FASTKD3: variants seen among roughly 807,000 people sequenced by gnomAD.
FASTKD3 encodes the protein FAST kinase domain-containing protein 3, mitochondrial.
FASTKD3 carries 47 observed loss-of-function variants against 49.7 expected under a neutral mutation model. The ratio of observed to expected loss-of-function variants is 0.95; its 90% CI spans 0.75 to 1.21. The LOEUF is 1.21. Among genes scored for constraint, FASTKD3 ranks in the 50% most tolerant of loss-of-function variants. The pLI is 0.00. For missense variants in FASTKD3, 748 were observed against 765.7 expected, an observed-to-expected ratio of 0.98 and a Z score of 0.27; for synonymous variants, 284 against 288.6, an observed-to-expected ratio of 0.98 and a Z score of 0.16.
rs764452426 is a variant in FASTKD3 at position 7,859,506 on chromosome 5, T to C, written c.1918A>G (p.Arg640Gly). Residue 640 changes from arginine (R) to glycine (G), a missense_variant, in exon 7 of 7, where the codon AGA becomes GGA. Around this residue, in one of 3 missense-constraint regions of FASTKD3, gnomAD observed 178 missense variants for 182.2 expected, o/e 0.98. Coordinates refer to ENST00000264669, the MANE Select transcript of FASTKD3 (RefSeq NM_024091.4). The stretch of plus-strand genomic sequence containing the variant: ...TGTAAATATTCCACCAATTCACGTC[T>C]TGATTTTAGCATCCCAATCTCATGA... ...PYHEIGMLKSRRELVEYLQRK... is the reference protein window; with the variant it reads ...PYHEIGMLKSGRELVEYLQRK... 1.3e-5 allele frequency: 21 copies of C among 1,606,132 alleles called. No homozygotes were observed. The highest frequency in any genetic ancestry group is 1.6e-5 in the Non-Finnish European group (19 of 1,176,154).
At position 7,859,502 on chromosome 5, in the gene FASTKD3, CG is replaced by C; in HGVS notation, c.1921del (p.Arg641ValfsTer25). The C allele has an allele frequency of 1.2e-6, 2 of 1,605,490 alleles. No homozygotes were observed. Among genetic ancestry groups the C allele is most frequent in the Middle Eastern group, 1.7e-4 (1 of 6,044 alleles). On this transcript the variant is annotated frameshift_variant, in exon 7 of 7. Transcript: ENST00000264669. LOFTEE classifies it high-confidence loss of function. ...YHEIGMLKSR[R>X]ELVEYLQRKL... is the part of the protein sequence containing the mutation. ...TCTTTGTAAATATTCCACCAATTCACGTCTTGATTTTAGCATCCCAATCTCA... is the reference window on the plus strand; with the variant it reads ...TCTTTGTAAATATTCCACCAATTCACTCTTGATTTTAGCATCCCAATCTCA...
chr5:7,867,423 G>A lies in FASTKD3; in HGVS notation c.661C>T (p.Leu221Phe). 6.2e-7 allele frequency: 1 copy of A among 1,614,142 alleles called. No individual in the cohort carries two copies. The highest frequency in any genetic ancestry group is 8.5e-7 in the Non-Finnish European group (1 of 1,180,030). ...GGMEVRNLCILGESLITLHSS... is the reference protein window; with the variant it reads ...GGMEVRNLCIFGESLITLHSS... Reference sequence around the variant, plus strand: ...TGCAGTGTAATCAGACTTTCCCCAAGAATACAAAGATTGCGAACTTCCATG... The same window carrying A: ...TGCAGTGTAATCAGACTTTCCCCAAAAATACAAAGATTGCGAACTTCCATG... Residue 221 changes from leucine (L) to phenylalanine (F), a missense_variant, in exon 2 of 7, where the codon CTT (leucine) becomes TTT (phenylalanine). This residue lies in a region of FASTKD3 where 564 missense variants were observed against 562.8 expected (regional missense o/e 1.00). Coordinates refer to ENST00000264669, the MANE Select transcript of FASTKD3 (RefSeq NM_024091.4).
chr5:7,864,947 T>C (rs1021774238), intron 3 of FASTKD3, among the ~76,000 whole-genome samples: 5 of 152,130 alleles, frequency 3.3e-5, no homozygotes, highest in East Asian at 1.9e-4. Flanking sequence ...GCATTCCCGA[T>C]AGAGACAAAA....
At chr5:7,863,949 G>C (rs2081033892) in intron 3 of FASTKD3, among the ~76,000 whole-genome samples, 1 of 152,052 alleles carries the variant, frequency 6.6e-6, no homozygotes, top group African/African-American at 2.4e-5. Flanking sequence ...CTCCTGGGTT[G>C]AGCGATTCTC....
chr5:7,867,782 ATC>A lies in FASTKD3; in HGVS notation c.300_301del (p.Gln100HisfsTer27), dbSNP rs751723624. ...CAAGTTGCTCAGTCTCCTGTAAAAC[ATC>A]TGACTCTCCTCATTTTTAACATTTT... is the stretch of plus-strand genomic sequence containing the variant. On this transcript the variant is annotated frameshift_variant, in exon 2 of 7. Transcript: ENST00000264669. LOFTEE classifies it high-confidence loss of function. 3 of 1,614,242 alleles carry A rather than the reference ATC, an allele frequency of 1.9e-6. No homozygotes were observed. The highest frequency in any genetic ancestry group is 8.5e-7 in the Non-Finnish European group (1 of 1,180,044).
intron 3 of FASTKD3, among the ~76,000 whole-genome samples, chr5:7,863,749 T>C (rs1175706440): frequency 2.0e-5 from 3 of 152,200 alleles, no homozygotes; most frequent in Admixed American, 6.5e-5. Context: ...CCATGACAGA[T>C]GCTAATAAAT....
In FASTKD3 at chr5:7,859,535, G is replaced by C. The variant is rs1360816051; in HGVS notation, c.1889C>G (p.Pro630Arg). The C allele has an allele frequency of 5.0e-6, 8 of 1,587,100 alleles. No individual in the cohort carries two copies. The highest frequency in any genetic ancestry group is 6.9e-6 in the Non-Finnish European group (8 of 1,163,040). ...TTTTAGCATCCCAATCTCATGATAG[G>C]GGATCTGTAAAGGTAGAAAAGTAAA... Reference protein sequence around the residue: ...QLLGYQVVQIPYHEIGMLKSR... With the variant: ...QLLGYQVVQIRYHEIGMLKSR... The change falls in exon 7 of 7, where the codon CCC (proline) becomes CGC (arginine). Residue 630 changes from proline to arginine, a missense_variant. Coordinates refer to ENST00000264669, the MANE Select transcript of FASTKD3 (RefSeq NM_024091.4).
At position 7,859,586 on chromosome 5, in the gene FASTKD3, A is replaced by G. The variant is rs772757464; in HGVS notation, c.1885-47T>C. 1.3e-5 allele frequency: 16 copies of G among 1,251,102 alleles called. No homozygotes were observed. The South Asian group carries it at 2.0e-4, about 15-fold the overall frequency. The allele number at this position is 1,251,102 out of a possible 1,614,324, so 77.5% of individuals were successfully genotyped here. A position where few individuals can be genotyped will look rare whatever the true frequency, so the allele number is the denominator to read the frequency against. ...ACTGGTCAAGATCCTTCAAAATCTG[A>G]GGTTCCTCTGGCTATTGGTTACTTT... On this transcript the variant is annotated intron_variant, in intron 6 of 6. Transcript: ENST00000264669.
chr5:7,859,464 G>C lies in FASTKD3; in HGVS notation c.1960C>G (p.Gln654Glu). The C allele has an allele frequency of 6.2e-7, 1 of 1,607,242 alleles. No homozygotes were observed. Among genetic ancestry groups the C allele is most frequent in the Non-Finnish European group, 8.5e-7 (1 of 1,176,102 alleles). ...VEYLQRKLFS[Q>E]NTVHWLQE is the part of the protein sequence containing the mutation. Reference sequence around the variant, plus strand: ...TCTTGCAACCAATGAACAGTGTTTTGAGAAAACAGTTTTCTTTGTAAATAT... The same window carrying C: ...TCTTGCAACCAATGAACAGTGTTTTCAGAAAACAGTTTTCTTTGTAAATAT... The change falls in exon 7 of 7, where the codon CAA becomes GAA. Residue 654 changes from glutamine to glutamate, a missense_variant. This residue lies in a region of FASTKD3 where 178 missense variants were observed against 182.2 expected (regional missense o/e 0.98). Transcript: ENST00000264669.
chr5:7,861,361 T>C (rs1387493830), intron 5 of FASTKD3, 98 bp from the exon 6 acceptor site: 4 of 657,176 alleles, frequency 6.1e-6, no homozygotes, highest in African/African-American at 1.9e-5. Flanking sequence ...GATTTGGCTA[T>C]TACTATGTGC....
rs763457840 is a variant in FASTKD3, at chr5:7,861,654, T to C, written c.1700-2A>G. 36 of 1,608,248 alleles carry C rather than the reference T, an allele frequency of 2.2e-5. No homozygotes were observed. The highest frequency in any genetic ancestry group is 2.9e-5 in the Non-Finnish European group (34 of 1,176,870). On this transcript the variant is annotated splice_acceptor_variant, in intron 4 of 6. Transcript: ENST00000264669. LOFTEE classifies it high-confidence loss of function. ...CTTCATCTAATTTAATTTCAACATC[T>C]GGTGAGAGAAGAAAGGAAAAATTCC...
At chr5:7,863,416 A>G (rs1372711927) in intron 3 of FASTKD3, 1 of 160,820 alleles carries the variant, frequency 6.2e-6, no homozygotes, top group Non-Finnish European at 1.3e-5. Context: ...AAAATCCAAA[A>G]TCCAAAATGC....
chr5:7,868,067 A>C lies in FASTKD3; in HGVS notation c.17T>G (p.Leu6Trp). The C allele has an allele frequency of 6.2e-7, 1 of 1,606,600 alleles. No homozygotes were observed. MALIT[L>W]RKNLYRLSDF... ...AGATAAACGATAAAGGTTCTTCCTC[A>C]AGGTGATTAATGCCATACCATCAGA... Residue 6 changes from leucine to tryptophan, a missense_variant, in exon 2 of 7, where the codon TTG becomes TGG. Physicochemically the swap from Leu to Trp is moderately conservative, Grantham distance 61 (BLOSUM62 -2). Around this residue, in one of 3 missense-constraint regions of FASTKD3, gnomAD observed 564 missense variants for 562.8 expected, o/e 1.00. Transcript: ENST00000264669.
At chr5:7,859,662 A>G in intron 6 of FASTKD3, 123 bp from the exon 7 acceptor site, 1 of 581,932 alleles carries the variant, frequency 1.7e-6, no homozygotes, top group South Asian at 2.5e-5. Flanking sequence ...CCTGGAAGGC[A>G]AATATCCCAA....
chr5:7,862,886 T>C lies in FASTKD3; in HGVS notation c.1636A>G (p.Asn546Asp). Reference protein sequence around the residue: ...LYRYVKIGLTNLLGARLYFAP... With the variant: ...LYRYVKIGLTDLLGARLYFAP... ...AAATATAATCTTGCTCCTAAAAGGTTAGTCAGCCCAATCTTCACATATCTA... is the reference window on the plus strand; with the variant it reads ...AAATATAATCTTGCTCCTAAAAGGTCAGTCAGCCCAATCTTCACATATCTA... Residue 546 changes from asparagine to aspartate, a missense_variant, in exon 4 of 7, where the codon AAC becomes GAC. This residue lies in a region of FASTKD3 where 178 missense variants were observed against 182.2 expected (regional missense o/e 0.98). Coordinates refer to ENST00000264669, the MANE Select transcript of FASTKD3 (RefSeq NM_024091.4). 6.2e-7 allele frequency: 1 copy of C among 1,614,108 alleles called. No individual in the cohort carries two copies. The highest frequency in any genetic ancestry group is 8.5e-7 in the Non-Finnish European group (1 of 1,179,966).
chr5:7,867,231 G>T lies in FASTKD3; in HGVS notation c.853C>A (p.Leu285Ile). 6.2e-7 allele frequency: 1 copy of T among 1,614,000 alleles called. No homozygotes were observed. Among genetic ancestry groups the T allele is most frequent in the Non-Finnish European group, 8.5e-7 (1 of 1,180,030 alleles). Residue 285 changes from leucine to isoleucine, a missense_variant, in exon 2 of 7, where the codon CTA becomes ATA. Around this residue, in one of 3 missense-constraint regions of FASTKD3, gnomAD observed 564 missense variants for 562.8 expected, o/e 1.00. Transcript: ENST00000264669. ...GGACTCAGGTTGGAAACTATTGATA[G>T]GGAAAAGTTGTTTATCTTATTTAAA... ...TFLNKINNFS[L>I]SIVSNLSPKL...
intron 3 of FASTKD3, 131 bp from the exon 4 acceptor site, chr5:7,863,128 G>A: frequency 1.3e-6 from 1 of 758,888 alleles, no homozygotes; most frequent in African/African-American, 1.8e-5. Flanking sequence ...CCAGGAATTG[G>A]GACAGGCATC....
Position 7,866,881 on chromosome 5 carries a change from TTC to T in FASTKD3, c.1201_1202del (p.Glu401LysfsTer29). ...CAGAAATCTGACGAGGTGAAAATTTTTCTGTTTGGCAAACAAAAGTTTCTGCC... is the reference window on the plus strand; with the variant it reads ...CAGAAATCTGACGAGGTGAAAATTTTTGTTTGGCAAACAAAAGTTTCTGCC... ...AVAETFVCQT[E>X]KFSPRQISAL... On this transcript the variant is annotated frameshift_variant, in exon 2 of 7. Coordinates refer to ENST00000264669, the MANE Select transcript of FASTKD3 (RefSeq NM_024091.4). LOFTEE classifies it high-confidence loss of function. 5.6e-6 allele frequency: 9 copies of T among 1,614,124 alleles called. No individual in the cohort carries two copies. Among genetic ancestry groups the T allele is most frequent in the Non-Finnish European group, 7.6e-6 (9 of 1,180,024 alleles).
Position 7,869,026 on chromosome 5 carries a change from C to T in FASTKD3, c.-161G>A, listed in dbSNP as rs752339822. On this transcript the variant is annotated 5_prime_UTR_variant, in exon 1 of 7. Transcript: ENST00000264669. ...CCGGGTGGTCGCGGAAGCGCCTGGG[C>T]GTCGTGGGCCTCCGTAGCAAACGCG... The T allele has an allele frequency of 7.6e-7, 1 of 1,318,242 alleles. No homozygotes were observed. Among genetic ancestry groups the T allele is most frequent in the South Asian group, 1.2e-5 (1 of 85,180 alleles). The allele number at this position is 1,318,242 out of a possible 1,614,324, so 81.7% of individuals were successfully genotyped here.
Sources: gnomAD v4.1 joint callset for allele counts (sites outside exome capture counted in the v4.1 genomes callset) on GRCh38, gnomAD v4.1.1 for gene constraint, gnomAD v4.1.1 regional missense constraint, MANE v1.5 for transcripts, NCBI Gene and HGNC (gene_info 2026-07-23, HGNC 2026-07-21) for gene names.